Variants in PRR16 observed in about 807,000 individuals in gnomAD.
The protein encoded by PRR16 is proline rich 16, also known as protein Largen.
In PRR16, 6 loss-of-function variants were observed where a neutral mutation model predicts 18.2. That is an observed-to-expected ratio of 0.33 (90% CI 0.18 to 0.65). PRR16 has a LOEUF of 0.65. Among genes scored for constraint, PRR16 ranks in the 30% least tolerant of loss-of-function variants. The pLI is 0.74. For missense variants in PRR16, 412 were observed against 376.6 expected (o/e 1.09, Z -0.78); for synonymous variants, 151 against 147.8 (o/e 1.02, Z -0.16).
chr5:120,698,729 G>A, the PRR16 span, among the ~76,000 whole-genome samples: 4 of 152,094 alleles, frequency 2.6e-5, no homozygotes, highest in African/African-American at 4.8e-5. Context: ...TCTGAGATGC[G>A]AAAGTGGTAA....
chr5:120,675,680 T>C (rs1317853042), intron 1 of PRR16, among the ~76,000 whole-genome samples: 1 of 152,212 alleles, frequency 6.6e-6, no homozygotes, highest in Non-Finnish European at 1.5e-5. Flanking sequence ...GAAGTACATA[T>C]GGTCAGTCTC....
chr5:120,743,923 C>G, the PRR16 span, among the ~76,000 whole-genome samples: 1 of 151,912 alleles, frequency 6.6e-6, no homozygotes, highest in African/African-American at 2.4e-5. Flanking sequence ...CTTTATGCAT[C>G]TAATATATGT....
chr5:120,575,318 A>AACACACACACACACAC (rs3047956), intron 1 of PRR16, among the ~76,000 whole-genome samples: 7,482 of 137,978 alleles, frequency 0.054, 239 homozygotes, highest in Non-Finnish European at 0.061. Flanking sequence ...CAGACAAGGA[A>AACACACACACACACAC]ACACACACAC....
At chr5:120,513,103 G>A (rs547804498) in intron 1 of PRR16, among the ~76,000 whole-genome samples, 1 of 152,306 alleles carries the variant, frequency 6.6e-6, no homozygotes, top group African/African-American at 2.4e-5. Flanking sequence ...ATACAGCCAA[G>A]TGATGGGGGT....
At chr5:120,672,129 T>C (rs1343154697) in intron 1 of PRR16, among the ~76,000 whole-genome samples, 1 of 152,036 alleles carries the variant, frequency 6.6e-6, no homozygotes, top group Non-Finnish European at 1.5e-5. Flanking sequence ...GCACAAGGTG[T>C]GAAGCACACG....
At chr5:120,682,386 C>T (rs1222006184) in intron 1 of PRR16, among the ~76,000 whole-genome samples, 1 of 152,144 alleles carries the variant, frequency 6.6e-6, no homozygotes, top group East Asian at 1.9e-4. Flanking sequence ...AAGTGAGGCC[C>T]TTTCATGGAT....
At position 120,598,096 on chromosome 5, in the gene PRR16, C is replaced by CT. The variant is rs1753870288; in HGVS notation, c.160-87852dup. 2.0e-5 allele frequency among the ~76,000 whole-genome samples: 3 copies of CT among 151,762 alleles called. No homozygotes were observed. In the South Asian group the frequency reaches 6.2e-4, roughly 31 times the overall value. ...AGATCTACCTCATCATTAAAAAATA[C>CT]TTTTTTGTTAGTTTATGTATAGGTT... On this transcript the variant is annotated intron_variant, in intron 1 of 1. Coordinates refer to ENST00000407149, the MANE Select transcript of PRR16 (RefSeq NM_001300783.2).
At chr5:120,572,276 T>C (rs1752932997) in intron 1 of PRR16, among the ~76,000 whole-genome samples, 1 of 152,170 alleles carries the variant, frequency 6.6e-6, no homozygotes, top group African/African-American at 2.4e-5. Flanking sequence ...TTTGTGGCCA[T>C]ATGTAACTGG....
intron 1 of PRR16, among the ~76,000 whole-genome samples, chr5:120,652,688 GA>G (rs1387582570): frequency 6.6e-6 from 1 of 151,894 alleles, no homozygotes; most frequent in Non-Finnish European, 1.5e-5. Flanking sequence ...GAATATCTGA[GA>G]AATTGAGAGA....
At chr5:120,770,273 CA>C in the PRR16 span, among the ~76,000 whole-genome samples, 1 of 151,872 alleles carries the variant, frequency 6.6e-6, no homozygotes, top group Non-Finnish European at 1.5e-5. Context: ...ACAGAATAGA[CA>C]GCCCATAAAT....
intron 1 of PRR16, chr5:120,618,644 A>T (rs1270719514): frequency 1.4e-6 from 1 of 735,748 alleles, no homozygotes; most frequent in Middle Eastern, 7.0e-4. Context: ...ATTGTTGATT[A>T]TCTCAGGATA....
the PRR16 span, among the ~76,000 whole-genome samples, chr5:120,716,063 A>G: frequency 6.6e-6 from 1 of 152,302 alleles, no homozygotes; most frequent in East Asian, 1.9e-4. Context: ...AACAACAACA[A>G]CAAATCAGGA....
chr5:120,628,878 T>C (rs183813170), intron 1 of PRR16, among the ~76,000 whole-genome samples: 1 of 152,194 alleles, frequency 6.6e-6, no homozygotes, highest in Non-Finnish European at 1.5e-5. Flanking sequence ...CTTAAAGAGA[T>C]ACTTTTTTAA....
chr5:120,735,667 T>G, the PRR16 span, among the ~76,000 whole-genome samples: 1 of 145,528 alleles, frequency 6.9e-6, no homozygotes, highest in African/African-American at 2.8e-5. Flanking sequence ...CATATTTTTG[T>G]TGTTGTTGTT....
At chr5:120,750,924 C>T in the PRR16 span, among the ~76,000 whole-genome samples, 1 of 152,058 alleles carries the variant, frequency 6.6e-6, no homozygotes, top group Non-Finnish European at 1.5e-5. Flanking sequence ...TCATCCAACC[C>T]CTATTTATCC....
At chr5:120,577,038 G>A (rs1023418596) in intron 1 of PRR16, among the ~76,000 whole-genome samples, 2 of 151,472 alleles carry the variant, frequency 1.3e-5, no homozygotes, top group Non-Finnish European at 1.5e-5. Flanking sequence ...AAATGATTTC[G>A]TTTTCCAACG....
intron 1 of PRR16, among the ~76,000 whole-genome samples, chr5:120,584,540 A>G (rs1340455346): frequency 6.6e-6 from 1 of 152,288 alleles, no homozygotes; most frequent in Non-Finnish European, 1.5e-5. Context: ...TTTGAAATTA[A>G]TTATACTAAA....
At chr5:120,713,557 G>C in the PRR16 span, among the ~76,000 whole-genome samples, 2 of 152,104 alleles carry the variant, frequency 1.3e-5, no homozygotes, top group African/African-American at 4.8e-5. Context: ...AATTTGTGAA[G>C]TTTTAATTTT....
chr5:120,471,086 T>A (rs1351994414), intron 1 of PRR16, among the ~76,000 whole-genome samples: 2 of 152,162 alleles, frequency 1.3e-5, no homozygotes, highest in Non-Finnish European at 1.5e-5. Flanking sequence ...ATTATTTCAT[T>A]AAGGCTTGCT....
Sources: allele counts gnomAD v4.1 joint callset (sites outside exome capture counted in the v4.1 genomes callset), GRCh38; gene constraint gnomAD v4.1.1; transcripts MANE v1.5; gene names NCBI Gene and HGNC (gene_info 2026-07-23, HGNC 2026-07-21).